Variants in SPIDR observed in about 807,000 individuals in gnomAD.
SPIDR encodes the protein DNA repair-scaffolding protein.
Under a neutral mutation model 104.6 loss-of-function variants are expected in SPIDR, and 93 were observed. The observed-to-expected ratio is 0.89, with a 90% CI of 0.75 to 1.06. The LOEUF is 1.06. SPIDR is among the 50% of genes least tolerant of loss of function. The pLI, the probability that SPIDR is intolerant of heterozygous loss-of-function variation, is 0.00. For synonymous variants in SPIDR, 431 were observed against 416.9 expected (o/e 1.03, Z -0.41); for missense variants, 1,154 against 1,111.2 (o/e 1.04, Z -0.55).
intron 10 of SPIDR, among the ~76,000 whole-genome samples, chr8:47,624,120 C>T (rs1467460324): frequency 6.6e-6 from 1 of 152,150 alleles, no homozygotes; most frequent in Non-Finnish European, 1.5e-5. Context: ...ACTGAACAAC[C>T]TGCTCCTGAA....
chr8:47,380,206 G>T (rs1391790397), intron 5 of SPIDR, among the ~76,000 whole-genome samples: 1 of 152,186 alleles, frequency 6.6e-6, no homozygotes, highest in Admixed American at 6.5e-5. Context: ...ACAGCAACGC[G>T]TGCTGCCCCT....
intron 11 of SPIDR, among the ~76,000 whole-genome samples, chr8:47,690,734 A>C (rs2154479361): frequency 6.6e-6 from 1 of 152,196 alleles, no homozygotes; most frequent in East Asian, 1.9e-4. Context: ...CAGGACAATC[A>C]CTTGAACCCA....
intron 8 of SPIDR, among the ~76,000 whole-genome samples, chr8:47,467,324 G>A (rs186333831): frequency 4.6e-5 from 7 of 152,156 alleles, no homozygotes; most frequent in Admixed American, 1.3e-4. Flanking sequence ...AAACTATTCC[G>A]AAAAATTGAG....
intron 14 of SPIDR, among the ~76,000 whole-genome samples, chr8:47,710,165 A>G (rs1160879642): frequency 1.3e-5 from 2 of 152,222 alleles, no homozygotes; most frequent in Non-Finnish European, 2.9e-5. Flanking sequence ...ACGCCTGGCC[A>G]GAGAAGAAAC....
chr8:47,430,159 C>T (rs549892035), intron 7 of SPIDR, among the ~76,000 whole-genome samples: 13 of 152,170 alleles, frequency 8.5e-5, no homozygotes, highest in Admixed American at 5.2e-4. Flanking sequence ...AGGCACTTCA[C>T]GGTAATGGTC....
chr8:47,652,803 A>T lies in SPIDR; in HGVS notation c.1545-20998A>T, dbSNP rs186532208. On this transcript the variant is annotated intron_variant, in intron 10 of 19. Coordinates refer to ENST00000297423, the MANE Select transcript of SPIDR (RefSeq NM_001080394.4). ...GTAGAACATGTATGCATACTTCACA[A>T]AAAACAGGTGATTTATAAGCCATTG... Among the ~76,000 whole-genome samples, 6 of 152,310 alleles carry T rather than the reference A, an allele frequency of 3.9e-5. No individual in the cohort carries two copies. In the East Asian group the frequency reaches 1.2e-3, roughly 29 times the overall value.
At chr8:47,706,064 C>T (rs2081043279) in intron 14 of SPIDR, among the ~76,000 whole-genome samples, 1 of 152,138 alleles carries the variant, frequency 6.6e-6, no homozygotes, top group Non-Finnish European at 1.5e-5. Flanking sequence ...CCTCCACCCC[C>T]ATGTCAATAT....
chr8:47,699,943 TCCAAACTCTACTCAGATAA>T (rs886101904), intron 11 of SPIDR, among the ~76,000 whole-genome samples: 2 of 152,198 alleles, frequency 1.3e-5, no homozygotes, highest in Non-Finnish European at 2.9e-5. Flanking sequence ...AAATATCACC[TCCAAACTCTACTCAGATAA>T]CCACTAAAAA....
At chr8:47,331,931 G>A (rs543728464) in intron 5 of SPIDR, among the ~76,000 whole-genome samples, 1 of 81,268 alleles carries the variant, frequency 1.2e-5, no homozygotes, top group Admixed American at 1.4e-4. Flanking sequence ...TATATATTCT[G>A]TCAGCTTTTT....
intron 10 of SPIDR, among the ~76,000 whole-genome samples, chr8:47,627,936 C>CGTA (rs1252374961): frequency 8.5e-5 from 13 of 152,180 alleles, no homozygotes; most frequent in Non-Finnish European, 1.5e-5. Context: ...CCTGGTAGTG[C>CGTA]ACAGGTCTCT....
rs181045022 is a variant in SPIDR, at chr8:47,716,539, G to A, written c.2341+2898G>A. Among the ~76,000 whole-genome samples the A allele has an allele frequency of 1.2e-4, 19 of 152,254 alleles. No individual in the cohort carries two copies. The East Asian group carries it at 2.3e-3, about 19-fold the overall frequency. On this transcript the variant is annotated intron_variant, in intron 16 of 19. Transcript: ENST00000297423. The stretch of plus-strand genomic sequence containing the variant: ...TTCTCATCTGTAAAATAGGGCTAAC[G>A]GAATCAGCCTCAAAACACTGTTGAG...
chr8:47,442,472 G>A (rs1349218840), intron 8 of SPIDR, among the ~76,000 whole-genome samples: 1 of 152,192 alleles, frequency 6.6e-6, no homozygotes, highest in Non-Finnish European at 1.5e-5. Context: ...TGCATTCACG[G>A]AGTAGGGCTT....
chr8:47,450,249 C>T (rs553243653), intron 8 of SPIDR, among the ~76,000 whole-genome samples: 21 of 152,238 alleles, frequency 1.4e-4, no homozygotes, highest in South Asian at 8.3e-4. Flanking sequence ...TGAGGGCCTT[C>T]GTTTTTCATC....
At chr8:47,313,875 G>C (rs1341760654) in intron 5 of SPIDR, among the ~76,000 whole-genome samples, 3 of 152,196 alleles carry the variant, frequency 2.0e-5, no homozygotes, top group Non-Finnish European at 4.4e-5. Context: ...TCAGAATTCT[G>C]TAGCCAAATA....
At chr8:47,430,069 ACTTTTGTGT>A (rs1183566435) in intron 7 of SPIDR, among the ~76,000 whole-genome samples, 4 of 151,536 alleles carry the variant, frequency 2.6e-5, no homozygotes, top group African/African-American at 7.3e-5. Context: ...GTGTCTTTTA[ACTTTTGTGT>A]CTTTTGTGTC....
chr8:47,477,542 A>G (rs574866492), intron 8 of SPIDR, among the ~76,000 whole-genome samples: 16 of 152,310 alleles, frequency 1.1e-4, no homozygotes, highest in African/African-American at 3.8e-4. Flanking sequence ...GTAATTTGTA[A>G]TATTTCATAT....
chr8:47,488,437 G>C (rs1025171521), intron 8 of SPIDR, among the ~76,000 whole-genome samples: 4 of 152,178 alleles, frequency 2.6e-5, no homozygotes, highest in Non-Finnish European at 5.9e-5. Flanking sequence ...GGAGGAGCTG[G>C]TACCATTCCT....
chr8:47,468,483 A>G lies in SPIDR; in HGVS notation c.1097+27941A>G, dbSNP rs191011774. ...ACAGGGCTGCAGTAACAAAGACAGT[A>G]TAGTACTGGTACAAAAACAGACACA... On this transcript the variant is annotated intron_variant, in intron 8 of 19. Coordinates refer to ENST00000297423, the MANE Select transcript of SPIDR (RefSeq NM_001080394.4). Among the ~76,000 whole-genome samples the G allele has an allele frequency of 1.7e-3, 257 of 152,334 alleles. 2 individuals carry two copies. The highest frequency in any genetic ancestry group is 8.2e-4 in the Non-Finnish European group (56 of 68,020).
chr8:47,527,774 AT>A lies in SPIDR; in HGVS notation c.1098-68032del, dbSNP rs1475493339. The A allele has an allele frequency of 2.0e-5, 3 of 152,058 alleles. No homozygotes were observed. In the East Asian group the frequency reaches 5.8e-4, roughly 29 times the overall value. 9.4% of individuals were successfully genotyped at this position (152,058 alleles called of 1,614,324 possible). On this transcript the variant is annotated intron_variant, in intron 8 of 19. Coordinates refer to ENST00000297423, the MANE Select transcript of SPIDR (RefSeq NM_001080394.4). ...TGCCTGTGGGCTACTGTTTTATTTT[AT>A]TTTTCTATTTCCATCTTTGGACAGA... is the stretch of plus-strand genomic sequence containing the variant.
Sources: gnomAD v4.1 joint callset for allele counts (sites outside exome capture counted in the v4.1 genomes callset) on GRCh38, gnomAD v4.1.1 for gene constraint, MANE v1.5 for transcripts, NCBI Gene and HGNC (gene_info 2026-07-23, HGNC 2026-07-21) for gene names.